FUT8: variants seen among roughly 807,000 people sequenced by gnomAD.
FUT8 encodes alpha-(1,6)-fucosyltransferase.
A neutral mutation model predicts 71.3 loss-of-function variants in FUT8; 29 were observed. The observed-to-expected ratio is 0.41, with a 90% CI of 0.30 to 0.55. FUT8 has a LOEUF of 0.55. Ranked by LOEUF, FUT8 falls within the 20% of genes least tolerant of loss-of-function variation. The pLI is 0.34. For synonymous variants in FUT8, 254 were observed against 239.3 expected (o/e 1.06, Z -0.57); for missense variants, 544 against 702.1 (o/e 0.77, Z 2.55).
At chr14:65,519,086 G>A (rs1274017272) in intron 2 of FUT8, among the ~76,000 whole-genome samples, 1 of 152,116 alleles carries the variant, frequency 6.6e-6, no homozygotes, top group Non-Finnish European at 1.5e-5. Flanking sequence ...AACAGTGAAT[G>A]GCATGTAATA....
upstream of FUT8, chr14:65,412,048 C>G (rs1247701043): frequency 4.4e-6 from 2 of 456,750 alleles, no homozygotes; most frequent in South Asian, 1.5e-5. Flanking sequence ...GTTCTCTTTC[C>G]CGTACTAAAT....
rs1168582896 is a variant in FUT8 at position 65,476,559 on chromosome 14, G to A, written c.-228+20841G>A. Among the ~76,000 whole-genome samples, 3 of 149,346 alleles carry A rather than the reference G, an allele frequency of 2.0e-5. No homozygotes were observed. The East Asian group carries it at 5.9e-4, about 30-fold the overall frequency. On this transcript the variant is annotated intron_variant, in intron 2 of 10. Transcript: ENST00000673929. ...CACACAGAAAGGAGTAATGAATTGT[G>A]TCTAGAGGGTCAGGAAAGGTCTCAC...
chr14:65,636,455 T>C (rs1890561486), intron 6 of FUT8: 1 of 152,212 alleles, frequency 6.6e-6, no homozygotes, highest in East Asian at 1.9e-4. Context: ...TTTGTACTCT[T>C]TCAGTCTTTG....
intron 2 of FUT8, among the ~76,000 whole-genome samples, chr14:65,544,661 CT>C (rs1288536863): frequency 6.6e-6 from 1 of 151,976 alleles, no homozygotes; most frequent in African/African-American, 2.4e-5. Flanking sequence ...GTGAGATATT[CT>C]TGATAAGAAC....
At chr14:65,491,120 C>A (rs1027947739) in intron 2 of FUT8, among the ~76,000 whole-genome samples, 1 of 152,040 alleles carries the variant, frequency 6.6e-6, no homozygotes, top group African/African-American at 2.4e-5. Context: ...GTTCTTACCT[C>A]AAAGTACAGT....
chr14:65,649,114 A>G (rs1891243418), intron 6 of FUT8, among the ~76,000 whole-genome samples: 1 of 152,210 alleles, frequency 6.6e-6, no homozygotes. Flanking sequence ...AACAAAATAT[A>G]TCACCTATAA....
At chr14:65,695,776 T>C (rs1161931262) in intron 7 of FUT8, among the ~76,000 whole-genome samples, 3 of 152,130 alleles carry the variant, frequency 2.0e-5, no homozygotes, top group African/African-American at 4.8e-5. Context: ...TCTATAATTG[T>C]GGCTGTTTTC....
intron 3 of FUT8, among the ~76,000 whole-genome samples, chr14:65,592,120 A>G (rs57169030): frequency 0.014 from 2,172 of 152,202 alleles, 46 homozygotes; most frequent in African/African-American, 0.05. Context: ...TGTATATACA[A>G]TTGTTTTTTT....
the FUT8 span, among the ~76,000 whole-genome samples, chr14:65,379,245 A>T: frequency 6.6e-6 from 1 of 152,056 alleles, no homozygotes; most frequent in Non-Finnish European, 1.5e-5. Flanking sequence ...ATATCTAGTG[A>T]GTGGCCAGGT....
At chr14:65,676,234 A>C (rs1348577202) in intron 7 of FUT8, among the ~76,000 whole-genome samples, 2 of 152,220 alleles carry the variant, frequency 1.3e-5, no homozygotes, top group African/African-American at 4.8e-5. Flanking sequence ...GTGACTTAGG[A>C]AAAAGCAATA....
intron 3 of FUT8, among the ~76,000 whole-genome samples, chr14:65,593,995 C>T (rs915187790): frequency 6.6e-6 from 1 of 152,254 alleles, no homozygotes; most frequent in African/African-American, 2.4e-5. Context: ...CAGGCATGAG[C>T]CACTGCTCCC....
At chr14:65,588,218 A>G (rs1209464591) in intron 3 of FUT8, among the ~76,000 whole-genome samples, 1 of 152,156 alleles carries the variant, frequency 6.6e-6, no homozygotes, top group Non-Finnish European at 1.5e-5. Context: ...CTCTAGCCAT[A>G]TAAAATAAGT....
At chr14:65,422,984 CTTTTTTTT>C (rs34536679) in intron 1 of FUT8, among the ~76,000 whole-genome samples, 3 of 127,424 alleles carry the variant, frequency 2.4e-5, no homozygotes, top group Admixed American at 1.6e-4. Flanking sequence ...TTCTTTCTTT[CTTTTTTTT>C]TTTTTTTTTT....
At chr14:65,609,410 CT>C (rs996042044) in intron 3 of FUT8, among the ~76,000 whole-genome samples, 1 of 151,148 alleles carries the variant, frequency 6.6e-6, no homozygotes, top group Non-Finnish European at 1.5e-5. Flanking sequence ...TCAATTTTTT[CT>C]TTTGTGGATC....
intron 2 of FUT8, among the ~76,000 whole-genome samples, chr14:65,537,552 T>C (rs894447033): frequency 1.3e-5 from 2 of 152,084 alleles, no homozygotes; most frequent in African/African-American, 4.8e-5. Context: ...CACGCCCGGC[T>C]AATTTTTTGT....
rs1890925836 is a variant in FUT8 at position 65,643,304 on chromosome 14, A to T, written c.597+13698A>T. Reference sequence around the variant, plus strand: ...GCTTTCACAACATCATTCCTTATTGAGGGTATAAAAGGGAATACATATTTA... The same window carrying T: ...GCTTTCACAACATCATTCCTTATTGTGGGTATAAAAGGGAATACATATTTA... On this transcript the variant is annotated intron_variant, in intron 6 of 10. Transcript: ENST00000673929. This position sits in a 1 kb window ranked among gnomAD's most constrained non-coding sequence, Gnocchi z 4.5. Among the ~76,000 whole-genome samples, 1 of 152,184 alleles carries T rather than the reference A, an allele frequency of 6.6e-6. No homozygotes were observed. Among genetic ancestry groups the T allele is most frequent in the Non-Finnish European group, 1.5e-5 (1 of 68,032 alleles).
the FUT8 span, among the ~76,000 whole-genome samples, chr14:65,361,132 C>T: frequency 6.6e-6 from 1 of 151,258 alleles, no homozygotes; most frequent in Non-Finnish European, 1.5e-5. Context: ...CCGAGGCAGG[C>T]GGATCATGAG....
chr14:65,637,719 G>T (rs914101551), intron 6 of FUT8, among the ~76,000 whole-genome samples: 2 of 152,098 alleles, frequency 1.3e-5, no homozygotes, highest in Non-Finnish European at 2.9e-5. Flanking sequence ...GGACACCAGA[G>T]AGTGAGTAGA....
At chr14:65,361,786 CAAAG>C in the FUT8 span, among the ~76,000 whole-genome samples, 2 of 149,334 alleles carry the variant, frequency 1.3e-5, no homozygotes, top group African/African-American at 2.5e-5. Context: ...GAGTCTGTCT[CAAAG>C]AAAACAAACA....
Sources: allele counts gnomAD v4.1 joint callset (sites outside exome capture counted in the v4.1 genomes callset), GRCh38; gene constraint gnomAD v4.1.1; non-coding constraint Gnocchi (gnomAD v3.1); transcripts MANE v1.5; gene names NCBI Gene and HGNC (gene_info 2026-07-23, HGNC 2026-07-21).